The following FAF2 variants were observed in gnomAD, a reference collection of about 807,000 sequenced individuals.
FAF2 encodes the protein FAS-associated factor 2.
A neutral mutation model predicts 62.3 loss-of-function variants in FAF2; 9 were observed. The ratio of observed to expected loss-of-function variants is 0.14; its 90% CI spans 0.09 to 0.25. The LOEUF (loss-of-function observed/expected upper bound fraction) is 0.25, where lower values mean the gene tolerates loss of function less well. Among genes scored for constraint, FAF2 ranks in the 10% least tolerant of loss-of-function variants. FAF2 has a pLI of 1.00. For synonymous variants in FAF2, 202 were observed against 198.0 expected (o/e 1.02, Z -0.17); for missense variants, 368 against 556.2 (o/e 0.66, Z 3.40).
intron 2 of FAF2, among the ~76,000 whole-genome samples, chr5:176,483,941 G>A (rs1758829067): frequency 6.6e-6 from 1 of 152,074 alleles, no homozygotes; most frequent in Non-Finnish European, 1.5e-5. Flanking sequence ...TGTGTGTGGC[G>A]GTGCGTGCCT....
At chr5:176,496,813 C>G in intron 8 of FAF2, 150 bp downstream of exon 8, 1 of 534,780 alleles carries the variant, frequency 1.9e-6, no homozygotes, top group Non-Finnish European at 3.1e-6. Context: ...TATTTACATA[C>G]TTTGACCTAA....
At chr5:176,452,662 A>G (rs1197208105) in intron 1 of FAF2, among the ~76,000 whole-genome samples, 1 of 152,218 alleles carries the variant, frequency 6.6e-6, no homozygotes, top group Non-Finnish European at 1.5e-5. Context: ...AGGTAGGGAG[A>G]TGGGAAAGTG....
intron 2 of FAF2, 30 bp downstream of exon 2, chr5:176,479,286 C>G (rs1246395959): frequency 1.9e-6 from 3 of 1,560,526 alleles, no homozygotes; most frequent in East Asian, 4.5e-5. Context: ...GAGCTTATTT[C>G]TTTTTCTCTG....
chr5:176,477,178 C>G (rs1410689624), intron 1 of FAF2, among the ~76,000 whole-genome samples: 10 of 131,298 alleles, frequency 7.6e-5, no homozygotes, highest in African/African-American at 2.6e-4. Context: ...ATCTCCTGAC[C>G]TCATGATCTG....
intron 1 of FAF2, among the ~76,000 whole-genome samples, chr5:176,475,452 G>A (rs549539415): frequency 1.7e-4 from 26 of 152,206 alleles, no homozygotes; most frequent in African/African-American, 6.0e-4. Flanking sequence ...TTTAGTGAGG[G>A]ATTTATAATC....
intron 10 of FAF2, among the ~76,000 whole-genome samples, chr5:176,501,928 ATT>A (rs1041114963): frequency 2.0e-5 from 3 of 151,580 alleles, no homozygotes; most frequent in Non-Finnish European, 4.4e-5. Flanking sequence ...TAATTTTTGT[ATT>A]TTTTTTAGTA....
chr5:176,503,258 T>C lies in FAF2; in HGVS notation c.1155+3112T>C, dbSNP rs529105678. On this transcript the variant is annotated intron_variant, in intron 10 of 10. Transcript: ENST00000261942. Reference sequence around the variant, plus strand: ...ATGCTGTAGTGTTTTTTAGTACCCTTAAAGACCTTGTGTCGGCCGGGTGCA... The same window carrying C: ...ATGCTGTAGTGTTTTTTAGTACCCTCAAAGACCTTGTGTCGGCCGGGTGCA... Among the ~76,000 whole-genome samples, 5 of 151,954 alleles carry C rather than the reference T, an allele frequency of 3.3e-5. No homozygotes were observed. In the South Asian group the frequency reaches 8.3e-4, roughly 25 times the overall value.
chr5:176,504,849 C>G (rs1272096194), intron 10 of FAF2, among the ~76,000 whole-genome samples: 2 of 152,066 alleles, frequency 1.3e-5, no homozygotes, highest in Non-Finnish European at 2.9e-5. Context: ...TGGCAAGGCT[C>G]TGTCTCTACA....
intron 2 of FAF2, among the ~76,000 whole-genome samples, chr5:176,484,671 T>A (rs976212055): frequency 6.6e-6 from 1 of 152,166 alleles, no homozygotes; most frequent in East Asian, 1.9e-4. Flanking sequence ...GGCAGGTAGA[T>A]CATGAGGTGA....
At position 176,506,959 on chromosome 5, in the gene FAF2, T is replaced by C; in HGVS notation, c.*9T>C. 1 of 1,511,714 alleles carries C rather than the reference T, an allele frequency of 6.6e-7. No homozygotes were observed. The highest frequency in any genetic ancestry group is 8.9e-7 in the Non-Finnish European group (1 of 1,119,228). The allele number at this position is 1,511,714 out of a possible 1,614,324, so 93.6% of individuals were successfully genotyped here. A position where few individuals can be genotyped will look rare whatever the true frequency, so the allele number is the denominator to read the frequency against. On this transcript the variant is annotated 3_prime_UTR_variant, in exon 11 of 11. Transcript: ENST00000261942. ...ACCTAACTGACGAATGACATTTTTTTCTTCCTGTCCCCTCCTACCCCAGTC... is the reference window on the plus strand; with the variant it reads ...ACCTAACTGACGAATGACATTTTTTCCTTCCTGTCCCCTCCTACCCCAGTC...
intron 1 of FAF2, 125 bp from the exon 2 acceptor site, chr5:176,479,063 A>T: frequency 1.3e-6 from 1 of 760,680 alleles, no homozygotes; most frequent in Non-Finnish European, 2.3e-6. Context: ...GTGAAGTTTT[A>T]CCATACTTTA....
In FAF2 at chr5:176,508,129, C is replaced by T. The variant is rs1266082707; in HGVS notation, c.*1179C>T. ...TGTAATCTATTGGAAGGCACATTTT[C>T]ATTTCTGATGCAGCCACCTTCTGGA... On this transcript the variant is annotated 3_prime_UTR_variant, in exon 11 of 11. Transcript: ENST00000261942. 1 of 152,668 alleles carries T rather than the reference C, an allele frequency of 6.6e-6. No homozygotes were observed. The highest frequency in any genetic ancestry group is 1.5e-5 in the Non-Finnish European group (1 of 68,076). The allele number at this position is 152,668 out of a possible 1,614,324, so 9.5% of individuals were successfully genotyped here.
At chr5:176,479,850 C>G (rs1758760465) in intron 2 of FAF2, among the ~76,000 whole-genome samples, 1 of 152,142 alleles carries the variant, frequency 6.6e-6, no homozygotes, top group Non-Finnish European at 1.5e-5. Flanking sequence ...GCAGACACCA[C>G]TGCACCCGGC....
chr5:176,451,833 T>TACAC (rs1561813477), intron 1 of FAF2, among the ~76,000 whole-genome samples: 11 of 42,554 alleles, frequency 2.6e-4, no homozygotes, highest in African/African-American at 1.1e-3. Flanking sequence ...TATATACATA[T>TACAC]ATATATATAC....
chr5:176,474,913 T>G (rs1455480319), intron 1 of FAF2, among the ~76,000 whole-genome samples: 1 of 152,200 alleles, frequency 6.6e-6, no homozygotes, highest in African/African-American at 2.4e-5. Flanking sequence ...GATATATGAA[T>G]GAATAATCCT....
chr5:176,458,408 CTTTTT>C lies in FAF2; in HGVS notation c.63+9953_63+9957del, dbSNP rs751775026. On this transcript the variant is annotated intron_variant, in intron 1 of 10. Transcript: ENST00000261942. ...CAGAATAATATTTTTCTTTTTCTTC[CTTTTT>C]TTTTTTTTTTTTTTGAGACGGAGTC... 1.2e-3 allele frequency among the ~76,000 whole-genome samples: 101 copies of C among 86,392 alleles called. 3 individuals are homozygous for C. The highest frequency in any genetic ancestry group is 4.7e-3 in the Admixed American group (26 of 5,516). The allele number at this position is 86,392 out of a possible 152,430, so 56.7% of individuals were successfully genotyped here. A position where few individuals can be genotyped will look rare whatever the true frequency, so the allele number is the denominator to read the frequency against.
intron 7 of FAF2, 147 bp from the exon 8 acceptor site, chr5:176,496,339 G>A: frequency 1.8e-6 from 1 of 549,538 alleles, no homozygotes; most frequent in Non-Finnish European, 3.0e-6. Flanking sequence ...GAAACTAGGA[G>A]GCGGGGAAAA....
intron 1 of FAF2, among the ~76,000 whole-genome samples, chr5:176,472,452 G>GTT (rs201245008): frequency 6.6e-6 from 1 of 151,690 alleles, no homozygotes; most frequent in African/African-American, 2.4e-5. Flanking sequence ...GCTTGTTTTT[G>GTT]TTTTTTTTAA....
chr5:176,460,095 A>G (rs896587179), intron 1 of FAF2, among the ~76,000 whole-genome samples: 25 of 152,268 alleles, frequency 1.6e-4, no homozygotes, highest in Admixed American at 1.4e-3. Context: ...GGTATTCTAT[A>G]GTGTATATGT....
Sources: allele counts gnomAD v4.1 joint callset (sites outside exome capture counted in the v4.1 genomes callset), GRCh38; gene constraint gnomAD v4.1.1; transcripts MANE v1.5; gene names NCBI Gene and HGNC (gene_info 2026-07-23, HGNC 2026-07-21).